Variants in NCAM2 observed in about 807,000 individuals in gnomAD.
NCAM2 encodes the protein N-CAM-2.
In NCAM2, 30 loss-of-function variants were observed where a neutral mutation model predicts 98.1. That is an observed-to-expected ratio of 0.31 (90% CI 0.23 to 0.41). NCAM2 has a LOEUF of 0.41. Ranked by LOEUF, NCAM2 falls within the 10% of genes least tolerant of loss-of-function variation. The pLI, the probability that NCAM2 is intolerant of heterozygous loss-of-function variation, is 1.00. For missense variants in NCAM2, 867 were observed against 1,005.8 expected (o/e 0.86, Z 1.87); for synonymous variants, 368 against 342.4 (o/e 1.07, Z -0.83).
rs890928599 is a variant in NCAM2 at position 21,453,109 on chromosome 21, T to G, written c.1655-13497T>G. The stretch of plus-strand genomic sequence containing the variant: ...TTTAATATATTATATTAAATATATA[T>G]TATATATAATAACAAAATATATATA... On this transcript the variant is annotated intron_variant, in intron 12 of 17. Transcript: ENST00000400546. Among the ~76,000 whole-genome samples the G allele has an allele frequency of 8.5e-4, 110 of 130,156 alleles. 1 individual carries two copies. The highest frequency in any genetic ancestry group is 8.0e-4 in the Admixed American group (9 of 11,230). The allele number at this position is 130,156 out of a possible 152,430, so 85.4% of individuals were successfully genotyped here. A position where few individuals can be genotyped will look rare whatever the true frequency, so the allele number is the denominator to read the frequency against.
chr21:21,315,630 T>C (rs912682263), intron 5 of NCAM2, among the ~76,000 whole-genome samples: 16 of 152,210 alleles, frequency 1.1e-4, no homozygotes, highest in African/African-American at 3.9e-4. Context: ...TCCTGCTTCC[T>C]GAGTCTGAAC....
At chr21:21,295,896 G>A (rs1424573526) in intron 5 of NCAM2, among the ~76,000 whole-genome samples, 1 of 151,602 alleles carries the variant, frequency 6.6e-6, no homozygotes, top group East Asian at 1.9e-4. Flanking sequence ...TGACCTAGGT[G>A]TACTTTTGAA....
At chr21:21,499,633 T>TA (rs1228819995) in intron 15 of NCAM2, among the ~76,000 whole-genome samples, 1 of 152,108 alleles carries the variant, frequency 6.6e-6, no homozygotes, top group Non-Finnish European at 1.5e-5. Context: ...TAAAAAAAAA[T>TA]ACTGCTATAA....
chr21:21,432,741 T>A (rs1255968504), intron 12 of NCAM2, among the ~76,000 whole-genome samples: 1 of 151,870 alleles, frequency 6.6e-6, no homozygotes, highest in African/African-American at 2.4e-5. Flanking sequence ...TATTTTTATA[T>A]TTTTTTACTT....
chr21:21,316,664 C>T (rs1456603881), intron 5 of NCAM2, among the ~76,000 whole-genome samples: 1 of 151,518 alleles, frequency 6.6e-6, no homozygotes, highest in East Asian at 2.0e-4. Context: ...CTGCCTCAGC[C>T]TCCCAAGTTG....
intron 1 of NCAM2, among the ~76,000 whole-genome samples, chr21:21,021,501 A>C (rs1209250172): frequency 6.6e-6 from 1 of 152,222 alleles, no homozygotes; most frequent in Non-Finnish European, 1.5e-5. Context: ...TAGACATGTA[A>C]GAATGAAATA....
At chr21:21,027,858 G>GC (rs1555872707) in intron 1 of NCAM2, among the ~76,000 whole-genome samples, 1,759 of 142,506 alleles carry the variant, frequency 0.012, 24 homozygotes, top group African/African-American at 0.042. Flanking sequence ...TGTTTCTTAA[G>GC]TTTTTTTTTT....
intron 1 of NCAM2, among the ~76,000 whole-genome samples, chr21:21,216,829 G>T (rs1387862704): frequency 6.6e-6 from 1 of 152,074 alleles, no homozygotes; most frequent in East Asian, 1.9e-4. Context: ...GGTACAGGTG[G>T]GAAAACCCTG....
At chr21:21,433,405 AT>A (rs1360368815) in intron 12 of NCAM2, among the ~76,000 whole-genome samples, 1 of 152,060 alleles carries the variant, frequency 6.6e-6, no homozygotes, top group East Asian at 1.9e-4. Context: ...GGATGCAGGA[AT>A]ATTGTGCTAC....
intron 1 of NCAM2, among the ~76,000 whole-genome samples, chr21:21,172,473 G>C (rs940210383): frequency 4.6e-5 from 7 of 151,986 alleles, no homozygotes; most frequent in African/African-American, 1.7e-4. Flanking sequence ...TCTGTAAAAT[G>C]ACACTTTAAA....
intron 1 of NCAM2, among the ~76,000 whole-genome samples, chr21:21,076,221 G>A (rs1351397489): frequency 6.6e-6 from 1 of 151,888 alleles, no homozygotes; most frequent in Non-Finnish European, 1.5e-5. Context: ...TTCTTCTCTA[G>A]TACTTTTATG....
At chr21:21,170,883 C>T (rs1249650619) in intron 1 of NCAM2, among the ~76,000 whole-genome samples, 3 of 152,080 alleles carry the variant, frequency 2.0e-5, no homozygotes, top group Non-Finnish European at 2.9e-5. Flanking sequence ...TGGGAACTCT[C>T]TGCACTTTCT....
At position 21,061,518 on chromosome 21, in the gene NCAM2, C is replaced by T. The variant is rs550785622; in HGVS notation, c.55+62900C>T. On this transcript the variant is annotated intron_variant, in intron 1 of 17. Transcript: ENST00000400546. ...CTTACCACATAAAAAGTATGAAGCC[C>T]CTTTGATTGATAACCTGATTGGAAA... Among the ~76,000 whole-genome samples the T allele has an allele frequency of 3.9e-5, 6 of 152,116 alleles. No homozygotes were observed. In the East Asian group the frequency reaches 7.7e-4, roughly 20 times the overall value.
At chr21:21,189,703 A>T (rs1340667337) in intron 1 of NCAM2, among the ~76,000 whole-genome samples, 3 of 152,222 alleles carry the variant, frequency 2.0e-5, no homozygotes, top group Non-Finnish European at 4.4e-5. Flanking sequence ...TTAAATCCTC[A>T]CCCACTAGAA....
At chr21:21,106,255 C>A (rs944692091) in intron 1 of NCAM2, among the ~76,000 whole-genome samples, 21 of 145,160 alleles carry the variant, frequency 1.4e-4, no homozygotes, top group Admixed American at 1.3e-3. Flanking sequence ...CTGCAGCGAG[C>A]TGTGTTTGCA....
intron 1 of NCAM2, among the ~76,000 whole-genome samples, chr21:21,228,844 G>T (rs1601706617): frequency 6.6e-6 from 1 of 151,544 alleles, no homozygotes; most frequent in East Asian, 1.9e-4. Context: ...TCCAGACAAA[G>T]TATGGCAAAA....
intron 1 of NCAM2, among the ~76,000 whole-genome samples, chr21:21,260,868 A>C (rs1372733042): frequency 6.6e-6 from 1 of 152,128 alleles, no homozygotes; most frequent in East Asian, 1.9e-4. Context: ...ATTAACCTTG[A>C]GCTGAAATAG....
In NCAM2 at chr21:21,515,068, T is replaced by C. The variant is rs528011418; in HGVS notation, c.2282+6013T>C. ...AAAATGTTACAATTTGTATTGGGAG[T>C]GCATTAATTTTGCAGATTCATTGAA... is the stretch of plus-strand genomic sequence containing the variant. On this transcript the variant is annotated intron_variant, in intron 16 of 17. Coordinates refer to ENST00000400546, the MANE Select transcript of NCAM2 (RefSeq NM_004540.5). 9.9e-5 allele frequency among the ~76,000 whole-genome samples: 15 copies of C among 152,276 alleles called. 1 individual carries two copies. In the South Asian group the frequency reaches 3.1e-3, roughly 32 times the overall value.
chr21:21,278,606 A>G (rs1271688823), intron 1 of NCAM2, among the ~76,000 whole-genome samples: 3 of 152,118 alleles, frequency 2.0e-5, no homozygotes, highest in Admixed American at 1.3e-4. Flanking sequence ...AGCCTCTATA[A>G]TATCACAACC....
Sources: allele counts gnomAD v4.1 joint callset (sites outside exome capture counted in the v4.1 genomes callset), GRCh38; gene constraint gnomAD v4.1.1; transcripts MANE v1.5; gene names NCBI Gene and HGNC (gene_info 2026-07-23, HGNC 2026-07-21).